Variants in GARIN1A observed in about 807,000 individuals in gnomAD.
GARIN1A encodes Golgi-associated RAB2 interactor protein 1A.
chr7:128,698,806 C>G, the GARIN1A span, among the ~76,000 whole-genome samples: 1 of 152,116 alleles, frequency 6.6e-6, no homozygotes. Flanking sequence ...AGGCTGGTCT[C>G]GAACTCCTGA....
the GARIN1A span, among the ~76,000 whole-genome samples, chr7:128,694,932 A>T: frequency 6.6e-6 from 1 of 151,746 alleles, no homozygotes; most frequent in Non-Finnish European, 1.5e-5. Context: ...TCTTTTCTGG[A>T]CTCCTTTCTT....
At chr7:128,680,726 G>C in the GARIN1A span, among the ~76,000 whole-genome samples, 4 of 151,872 alleles carry the variant, frequency 2.6e-5, no homozygotes, top group African/African-American at 9.7e-5. Context: ...CACCACACCC[G>C]GCTAATTTTT....
chr7:128,699,473 C>G, the GARIN1A span, among the ~76,000 whole-genome samples: 1 of 152,202 alleles, frequency 6.6e-6, no homozygotes, highest in Non-Finnish European at 1.5e-5. Flanking sequence ...TGCTTGCACT[C>G]TCCTGATTTA....
chr7:128,682,471 A>T, the GARIN1A span, among the ~76,000 whole-genome samples: 2 of 152,192 alleles, frequency 1.3e-5, no homozygotes, highest in African/African-American at 4.8e-5. Context: ...GTTGCCCTTA[A>T]CATTATTGCA....
chr7:128,676,019 CT>C, the GARIN1A span, among the ~76,000 whole-genome samples: 62,244 of 121,074 alleles, frequency 0.51, 14,295 homozygotes, highest in Middle Eastern at 0.67. Flanking sequence ...TATTTAGTAT[CT>C]TTTTTTTTTT....
chr7:128,677,327 GA>G, the GARIN1A span, among the ~76,000 whole-genome samples: 3 of 151,608 alleles, frequency 2.0e-5, no homozygotes, highest in African/African-American at 7.3e-5. Flanking sequence ...CTAACACAGT[GA>G]AACCCCGTCT....
the GARIN1A span, among the ~76,000 whole-genome samples, chr7:128,681,142 A>G: frequency 6.6e-6 from 1 of 152,236 alleles, no homozygotes; most frequent in South Asian, 2.1e-4. Context: ...CACATAGCAT[A>G]TGGGCTCTCT....
chr7:128,686,108 G>A, the GARIN1A span: 1 of 152,220 alleles, frequency 6.6e-6, no homozygotes, highest in Non-Finnish European at 1.5e-5. Context: ...AGCTACTCGG[G>A]AGGCTGAGAC....
At chr7:128,703,458 GT>G in the GARIN1A span, among the ~76,000 whole-genome samples, 1 of 152,306 alleles carries the variant, frequency 6.6e-6, no homozygotes, top group African/African-American at 2.4e-5. Flanking sequence ...TTTTAAAACA[GT>G]TTGCGCCCAG....
the GARIN1A span, among the ~76,000 whole-genome samples, chr7:128,677,054 G>A: frequency 6.6e-6 from 1 of 151,900 alleles, no homozygotes; most frequent in South Asian, 2.1e-4. Flanking sequence ...GCATACACCT[G>A]TATTCCTACT....
the GARIN1A span, among the ~76,000 whole-genome samples, chr7:128,688,775 TCCCCCTCCCCCTCCCCC>T: frequency 3.3e-4 from 2 of 6,074 alleles, no homozygotes; most frequent in Admixed American, 1.1e-3. Context: ...CCCCCTCCCC[TCCCCCTCCCCCTCCCCC>T]CTCCCTCTCC....
the GARIN1A span, among the ~76,000 whole-genome samples, chr7:128,674,821 A>G: frequency 6.6e-6 from 1 of 152,186 alleles, no homozygotes; most frequent in Non-Finnish European, 1.5e-5. Flanking sequence ...TTGGCTGGGC[A>G]TAGTGGCTCA....
At chr7:128,681,029 G>C in the GARIN1A span, among the ~76,000 whole-genome samples, 25 of 152,198 alleles carry the variant, frequency 1.6e-4, no homozygotes, top group Non-Finnish European at 3.4e-4. Context: ...CAACTTGTAG[G>C]GTATCATCAA....
chr7:128,676,677 GA>G, the GARIN1A span, among the ~76,000 whole-genome samples: 3 of 149,726 alleles, frequency 2.0e-5, no homozygotes, highest in Admixed American at 6.7e-5. Context: ...TGCTGAGATT[GA>G]AAAAAAAATA....
chr7:128,675,411 C>T, the GARIN1A span, among the ~76,000 whole-genome samples: 1 of 151,920 alleles, frequency 6.6e-6, no homozygotes, highest in African/African-American at 2.4e-5. Context: ...CTTTTTCTTG[C>T]TAGTGCATCT....
the GARIN1A span, chr7:128,675,554 T>C: frequency 8.3e-5 from 81 of 980,442 alleles, no homozygotes; most frequent in Non-Finnish European, 8.5e-5. Context: ...CAATAGCAGG[T>C]CAGGGCCCAG....
chr7:128,678,939 T>G, the GARIN1A span, among the ~76,000 whole-genome samples: 1 of 151,826 alleles, frequency 6.6e-6, no homozygotes, highest in African/African-American at 2.4e-5. Context: ...GTTGCATACA[T>G]ATATACATAT....
chr7:128,680,677 G>T, the GARIN1A span, among the ~76,000 whole-genome samples: 22 of 150,334 alleles, frequency 1.5e-4, no homozygotes, highest in East Asian at 4.3e-3. Flanking sequence ...CGATTCTCTT[G>T]CCTCAGCCTC....
At chr7:128,675,039 A>G in the GARIN1A span, among the ~76,000 whole-genome samples, 1 of 152,138 alleles carries the variant, frequency 6.6e-6, no homozygotes, top group Non-Finnish European at 1.5e-5. Context: ...CTAAGTGGCC[A>G]CAGCTCTGGT....
Sources: allele counts gnomAD v4.1 joint callset (sites outside exome capture counted in the v4.1 genomes callset), GRCh38; gene constraint gnomAD v4.1.1; transcripts MANE v1.5; gene names NCBI Gene and HGNC (gene_info 2026-07-23, HGNC 2026-07-21).